Variants in MBNL2 observed in about 807,000 individuals in gnomAD.
MBNL2 encodes muscleblind like splicing regulator 2.
Under a neutral mutation model 41.9 loss-of-function variants are expected in MBNL2, and 17 were observed. That is an observed-to-expected ratio of 0.41 (90% CI 0.28 to 0.61). The LOEUF is 0.61. Among genes scored for constraint, MBNL2 ranks in the 20% least tolerant of loss-of-function variants. MBNL2 has a pLI of 0.35. For missense variants in MBNL2, 336 were observed against 505.6 expected (o/e 0.66, Z 3.22); for synonymous variants, 195 against 182.9 (o/e 1.07, Z -0.53).
chr13:97,256,347 A>C (rs929474315), intron 1 of MBNL2, among the ~76,000 whole-genome samples: 7 of 150,340 alleles, frequency 4.7e-5, no homozygotes, highest in Non-Finnish European at 8.8e-5. Flanking sequence ...GATTTTTTTT[A>C]ATCAATTTTT....
the MBNL2 span, chr13:97,179,393 G>A: frequency 6.6e-6 from 1 of 152,214 alleles, no homozygotes; most frequent in South Asian, 2.1e-4. Context: ...TCCTCCAAAA[G>A]TTCTACTTTT....
At chr13:97,351,327 C>T (rs1209783746) in intron 5 of MBNL2, among the ~76,000 whole-genome samples, 1 of 152,180 alleles carries the variant, frequency 6.6e-6, no homozygotes, top group African/African-American at 2.4e-5. Flanking sequence ...TTCATAAGGG[C>T]CCTAGAATTT....
At chr13:97,205,047 C>T in the MBNL2 span, among the ~76,000 whole-genome samples, 1 of 151,674 alleles carries the variant, frequency 6.6e-6, no homozygotes, top group African/African-American at 2.4e-5. Context: ...TGGCACGCAC[C>T]TGTAGTCCAA....
intron 1 of MBNL2, among the ~76,000 whole-genome samples, chr13:97,231,310 C>T (rs965038309): frequency 2.0e-5 from 3 of 152,202 alleles, no homozygotes; most frequent in African/African-American, 7.2e-5. Flanking sequence ...AAAATGTAGA[C>T]TCTGATTCAG....
chr13:97,218,937 T>C (rs1380158053), upstream of MBNL2, among the ~76,000 whole-genome samples: 1 of 150,788 alleles, frequency 6.6e-6, no homozygotes, highest in Non-Finnish European at 1.5e-5. Flanking sequence ...AGGCCAACAG[T>C]CTGGCTCAGA....
At chr13:97,159,412 G>A in the MBNL2 span, among the ~76,000 whole-genome samples, 1 of 151,474 alleles carries the variant, frequency 6.6e-6, no homozygotes, top group Non-Finnish European at 1.5e-5. Context: ...AGTTAATAGT[G>A]TTATGTGTGA....
At chr13:97,158,923 A>C in the MBNL2 span, among the ~76,000 whole-genome samples, 1 of 151,192 alleles carries the variant, frequency 6.6e-6, no homozygotes, top group Non-Finnish European at 1.5e-5. Context: ...CACTTGGTGC[A>C]GAGCTGAGTT....
chr13:97,174,581 A>C, the MBNL2 span, among the ~76,000 whole-genome samples: 1 of 152,248 alleles, frequency 6.6e-6, no homozygotes, highest in Admixed American at 6.5e-5. Flanking sequence ...AAAGCAAATC[A>C]ATATGTGCTG....
Position 97,284,298 on chromosome 13 carries a change from G to A in MBNL2, c.174+7889G>A, listed in dbSNP as rs190581966. ...GCCCCTGGGGTTGGGGAAGTTGGGG[G>A]AGAGGGGTGGAAACCAGTTCTTGCC... On this transcript the variant is annotated intron_variant, in intron 2 of 8. Transcript: ENST00000679496. 5.3e-5 allele frequency among the ~76,000 whole-genome samples: 8 copies of A among 152,294 alleles called. 1 individual carries two copies. Among genetic ancestry groups the A allele is most frequent in the African/African-American group, 1.9e-4 (8 of 41,564 alleles).
At chr13:97,153,310 C>G in the MBNL2 span, among the ~76,000 whole-genome samples, 17 of 150,930 alleles carry the variant, frequency 1.1e-4, no homozygotes, top group African/African-American at 3.9e-4. Context: ...TGTGTTTGAG[C>G]GTGTGTGTGA....
chr13:97,344,817 C>T (rs951503809), intron 4 of MBNL2, among the ~76,000 whole-genome samples: 1 of 152,208 alleles, frequency 6.6e-6, no homozygotes, highest in Non-Finnish European at 1.5e-5. Context: ...TTGTCCTTCT[C>T]AACAGGGCTG....
At chr13:97,344,586 T>C (rs1205161326) in intron 4 of MBNL2, among the ~76,000 whole-genome samples, 2 of 152,250 alleles carry the variant, frequency 1.3e-5, no homozygotes, top group Non-Finnish European at 2.9e-5. Flanking sequence ...AGATATTTAT[T>C]TTTTCACTTA....
At chr13:97,221,738 C>A (rs2040876283), upstream of MBNL2, among the ~76,000 whole-genome samples, 1 of 152,052 alleles carries the variant, frequency 6.6e-6, no homozygotes, top group South Asian at 2.1e-4. Context: ...ATAAATGGGC[C>A]GCAGTAATTA....
At chr13:97,253,584 T>C (rs936917676) in intron 1 of MBNL2, among the ~76,000 whole-genome samples, 3 of 152,206 alleles carry the variant, frequency 2.0e-5, no homozygotes, top group Admixed American at 6.5e-5. Context: ...CAGTTTCTTG[T>C]ATTCTTATCA....
intron 2 of MBNL2, among the ~76,000 whole-genome samples, chr13:97,329,076 A>G (rs1397210387): frequency 6.6e-6 from 1 of 152,200 alleles, no homozygotes; most frequent in Non-Finnish European, 1.5e-5. Context: ...TATTACAGTT[A>G]TTTAGCATCT....
At chr13:97,345,229 C>T (rs979245677) in intron 4 of MBNL2, among the ~76,000 whole-genome samples, 1 of 152,180 alleles carries the variant, frequency 6.6e-6, no homozygotes, top group Admixed American at 6.5e-5. Context: ...TATAACATCA[C>T]TAATGATCAG....
chr13:97,309,737 A>G (rs1436791241), intron 2 of MBNL2, among the ~76,000 whole-genome samples: 1 of 152,222 alleles, frequency 6.6e-6, no homozygotes, highest in Admixed American at 6.5e-5. Flanking sequence ...TCAGGGAAGA[A>G]AGAGAGATGA....
intron 1 of MBNL2, among the ~76,000 whole-genome samples, chr13:97,256,984 T>C (rs1376568117): frequency 6.6e-6 from 1 of 152,214 alleles, no homozygotes; most frequent in Non-Finnish European, 1.5e-5. Flanking sequence ...ATTTCATCGT[T>C]AGTTAAAAAG....
intron 2 of MBNL2, among the ~76,000 whole-genome samples, chr13:97,295,449 AG>A (rs2056863895): frequency 6.6e-6 from 1 of 152,182 alleles, no homozygotes; most frequent in Non-Finnish European, 1.5e-5. Context: ...TTGGTTGCCT[AG>A]CAACCATTAT....
Sources: gnomAD v4.1 joint callset for allele counts (sites outside exome capture counted in the v4.1 genomes callset) on GRCh38, gnomAD v4.1.1 for gene constraint, MANE v1.5 for transcripts, NCBI Gene and HGNC (gene_info 2026-07-23, HGNC 2026-07-21) for gene names.